The following MGAT4C variants were observed in gnomAD, a reference collection of about 807,000 sequenced individuals.
The protein encoded by MGAT4C is alpha-1,3-mannosyl-glycoprotein 4-beta-N-acetylglucosaminyltransferase C.
MGAT4C carries 19 observed loss-of-function variants against 40.1 expected under a neutral mutation model. The observed-to-expected ratio is 0.47, with a 90% CI of 0.33 to 0.70. The LOEUF (loss-of-function observed/expected upper bound fraction) is 0.70. Among genes scored for constraint, MGAT4C ranks in the 30% least tolerant of loss-of-function variants. MGAT4C has a pLI of 0.02. For missense variants in MGAT4C, 491 were observed against 563.2 expected (o/e 0.87, Z 1.30); for synonymous variants, 181 against 187.1 (o/e 0.97, Z 0.27).
intron 2 of MGAT4C, among the ~76,000 whole-genome samples, chr12:86,542,487 A>G (rs1324078436): frequency 3.9e-5 from 6 of 152,184 alleles, no homozygotes; most frequent in African/African-American, 1.4e-4. Flanking sequence ...CTCCTACCTT[A>G]GCTCTCAACC....
chr12:86,061,665 T>C (rs1002472877), intron 1 of MGAT4C, among the ~76,000 whole-genome samples: 1 of 152,036 alleles, frequency 6.6e-6, no homozygotes, highest in South Asian at 2.1e-4. Context: ...GAGGTCAACC[T>C]GGGATGCTCG....
chr12:86,756,237 G>GT (rs1195654948), intron 1 of MGAT4C, among the ~76,000 whole-genome samples: 1 of 151,990 alleles, frequency 6.6e-6, no homozygotes, highest in Non-Finnish European at 1.5e-5. Flanking sequence ...TGTTCAAAAG[G>GT]TTTTTCCTTG....
At chr12:86,289,542 G>A (rs570004803) in intron 4 of MGAT4C, among the ~76,000 whole-genome samples, 32 of 152,168 alleles carry the variant, frequency 2.1e-4, no homozygotes, top group Admixed American at 9.8e-4. Context: ...CATGAACATG[G>A]AATGTGTTTC....
chr12:86,681,236 T>C (rs1005033476), intron 2 of MGAT4C, among the ~76,000 whole-genome samples: 8 of 151,936 alleles, frequency 5.3e-5, no homozygotes, highest in Admixed American at 2.0e-4. Flanking sequence ...AGTAACCATG[T>C]TAGGACTAAC....
At chr12:86,135,670 A>C (rs1460634510) in intron 1 of MGAT4C, among the ~76,000 whole-genome samples, 2 of 152,182 alleles carry the variant, frequency 1.3e-5, no homozygotes, top group African/African-American at 2.4e-5. Flanking sequence ...GACCATTTAC[A>C]TAGTGTCCTA....
intron 1 of MGAT4C, among the ~76,000 whole-genome samples, chr12:86,147,697 A>G (rs1883735687): frequency 6.6e-6 from 1 of 152,220 alleles, no homozygotes; most frequent in Non-Finnish European, 1.5e-5. Context: ...ACAAATTGCT[A>G]TAGTGTGATG....
chr12:86,581,301 A>G (rs1365975974), intron 2 of MGAT4C, among the ~76,000 whole-genome samples: 1 of 151,534 alleles, frequency 6.6e-6, no homozygotes, highest in South Asian at 2.1e-4. Flanking sequence ...TGCCTAGATA[A>G]TAGCCACAGT....
chr12:86,214,272 A>G (rs709812), intron 1 of MGAT4C, among the ~76,000 whole-genome samples: 103,382 of 151,912 alleles, frequency 0.68, 35,428 homozygotes, highest in South Asian at 0.76. Flanking sequence ...CTCTGCTCAG[A>G]TCAAAGCATC....
chr12:86,442,383 C>T (rs1182264738), intron 2 of MGAT4C, among the ~76,000 whole-genome samples: 1 of 152,210 alleles, frequency 6.6e-6, no homozygotes, highest in East Asian at 1.9e-4. Context: ...CTTGTGTTGC[C>T]ATCGCTTTTG....
intron 1 of MGAT4C, among the ~76,000 whole-genome samples, chr12:86,147,843 T>C (rs1883749984): frequency 6.6e-6 from 1 of 152,164 alleles, no homozygotes. Flanking sequence ...TAAATTATGA[T>C]ATATAGGTAA....
chr12:86,669,953 G>T (rs1277145637), intron 2 of MGAT4C, among the ~76,000 whole-genome samples: 1 of 151,890 alleles, frequency 6.6e-6, no homozygotes, highest in Non-Finnish European at 1.5e-5. Context: ...AGAAAGCCCT[G>T]CCCAGCATTA....
At chr12:86,479,191 C>T (rs2136311146) in intron 2 of MGAT4C, among the ~76,000 whole-genome samples, 2 of 151,952 alleles carry the variant, frequency 1.3e-5, no homozygotes, top group East Asian at 3.9e-4. Flanking sequence ...TTAGATGCAA[C>T]AGTGTATGAA....
At chr12:86,271,388 A>G (rs7966656) in intron 4 of MGAT4C, among the ~76,000 whole-genome samples, 135,157 of 151,984 alleles carry the variant, frequency 0.89, 60,290 homozygotes, top group East Asian at 1. Flanking sequence ...TTCAGAAGAA[A>G]ACACAAATGG....
intron 1 of MGAT4C, among the ~76,000 whole-genome samples, chr12:86,173,392 A>G (rs899845429): frequency 1.3e-5 from 2 of 152,106 alleles, no homozygotes; most frequent in African/African-American, 4.8e-5. Context: ...TGTAATTATC[A>G]TCATACCTCA....
intron 4 of MGAT4C, among the ~76,000 whole-genome samples, chr12:86,320,946 T>C (rs1954370165): frequency 1.3e-5 from 2 of 152,138 alleles, no homozygotes; most frequent in Admixed American, 6.5e-5. Context: ...TAATTTGCAC[T>C]ATTTAATCCC....
intron 2 of MGAT4C, among the ~76,000 whole-genome samples, chr12:86,049,376 A>G (rs1168792335): frequency 6.6e-6 from 1 of 151,866 alleles, no homozygotes; most frequent in Non-Finnish European, 1.5e-5. Flanking sequence ...TATTAGTTGT[A>G]TTAGAATGTT....
intron 1 of MGAT4C, among the ~76,000 whole-genome samples, chr12:86,815,032 T>A (rs917791303): frequency 2.6e-5 from 4 of 152,070 alleles, no homozygotes; most frequent in Non-Finnish European, 5.9e-5. Flanking sequence ...TTGTCAGATG[T>A]ACATTTCTAG....
At position 86,616,349 on chromosome 12, in the gene MGAT4C, T is replaced by C. The variant is rs148400355; in HGVS notation, c.-229+110860A>G. 2.2e-3 allele frequency among the ~76,000 whole-genome samples: 329 copies of C among 152,216 alleles called. 1 individual carries two copies. The highest frequency in any genetic ancestry group is 3.4e-3 in the Non-Finnish European group (228 of 67,948). The stretch of plus-strand genomic sequence containing the variant: ...TAGATTAGACAAATTAATAATCTAC[T>C]AGAACAACCCTTAAATCAATCTTTT... On this transcript the variant is annotated intron_variant, in intron 2 of 7. Transcript: ENST00000548651.
intron 2 of MGAT4C, among the ~76,000 whole-genome samples, chr12:86,675,565 T>G (rs1448152620): frequency 1.3e-5 from 2 of 152,224 alleles, no homozygotes; most frequent in East Asian, 3.9e-4. Flanking sequence ...ACCAGACCAG[T>G]GGTTCTCAAC....
Sources: allele counts gnomAD v4.1 joint callset (sites outside exome capture counted in the v4.1 genomes callset), GRCh38; gene constraint gnomAD v4.1.1; transcripts MANE v1.5; gene names NCBI Gene and HGNC (gene_info 2026-07-23, HGNC 2026-07-21).